The following SYBU variants were observed in gnomAD, a reference collection of about 807,000 sequenced individuals.
The protein encoded by SYBU is GOLSYN A protein.
SYBU carries 21 observed loss-of-function variants against 35.9 expected under a neutral mutation model. The observed-to-expected ratio is 0.58, with a 90% CI of 0.41 to 0.84. The LOEUF is 0.84. SYBU is among the 40% of genes least tolerant of loss of function. The probability of loss-of-function intolerance (pLI) is 0.00; values close to 1 mark genes in which losing one functional copy is unlikely to be tolerated. For missense variants in SYBU, 768 were observed against 848.2 expected (o/e 0.91, Z 1.17); for synonymous variants, 319 against 324.3 (o/e 0.98, Z 0.18).
upstream of SYBU, chr8:109,644,882 A>G (rs1815448500): frequency 3.5e-6 from 2 of 566,970 alleles, no homozygotes; most frequent in Non-Finnish European, 6.2e-6. Flanking sequence ...CACTCGCTAG[A>G]GGCAGCTCCT....
rs1039481432 is a variant in SYBU, at chr8:109,577,911, G to T, written c.841C>A (p.Leu281Ile). Residue 281 changes from leucine (L) to isoleucine (I), a missense_variant, in exon 6 of 7, where the codon CTC becomes ATC. Coordinates refer to ENST00000276646, the MANE Select transcript of SYBU (RefSeq NM_001099754.2). ...LQQKEVTVRH[L>I]KTKLKESERR... ...TCAGATTCCTTCAGCTTGGTTTTGA[G>T]GTGTCTCACTGTCACCTCTTTCTGC... 4 of 1,613,702 alleles carry T rather than the reference G, an allele frequency of 2.5e-6. No individual in the cohort carries two copies. Among genetic ancestry groups the T allele is most frequent in the Non-Finnish European group, 3.4e-6 (4 of 1,179,828 alleles).
chr8:109,606,451 G>T (rs1257437329), intron 3 of SYBU, among the ~76,000 whole-genome samples: 1 of 152,134 alleles, frequency 6.6e-6, no homozygotes, highest in Admixed American at 6.5e-5. Context: ...CAGATATTTT[G>T]AGGTTAAAAA....
At chr8:109,644,326 T>C in intron 1 of SYBU, 1 of 578,936 alleles carries the variant, frequency 1.7e-6, no homozygotes, top group Non-Finnish European at 3.2e-6. Context: ...ATGCATCAAA[T>C]TCCTTTCATT....
chr8:109,576,068 A>AAAC, intron 6 of SYBU, 55 bp from the exon 7 acceptor site: 1 of 1,351,358 alleles, frequency 7.4e-7, no homozygotes, highest in Non-Finnish European at 9.6e-7. Context: ...AAAAAAAAAA[A>AAAC]AACTTTCAAC....
intron 3 of SYBU, among the ~76,000 whole-genome samples, chr8:109,598,039 T>C (rs2129984612): frequency 6.6e-6 from 1 of 152,308 alleles, no homozygotes; most frequent in East Asian, 1.9e-4. Context: ...TGACATTCTG[T>C]AAGATTAAAT....
At chr8:109,627,012 G>A (rs1813055132) in intron 2 of SYBU, among the ~76,000 whole-genome samples, 1 of 152,112 alleles carries the variant, frequency 6.6e-6, no homozygotes, top group Admixed American at 6.6e-5. Context: ...AGAGCCCACT[G>A]GCTTTCAAAA....
At chr8:109,678,527 A>G (rs3133927) in intron 1 of SYBU, among the ~76,000 whole-genome samples, 45,232 of 141,966 alleles carry the variant, frequency 0.32, 7,966 homozygotes, top group East Asian at 0.53. Flanking sequence ...TGCAACCTTC[A>G]CCTCCAGAGT....
chr8:109,671,420 C>G (rs559584584), intron 1 of SYBU, among the ~76,000 whole-genome samples: 1 of 152,210 alleles, frequency 6.6e-6, no homozygotes, highest in East Asian at 1.9e-4. Context: ...CCTCAAAGAG[C>G]CTTTTTCAGT....
chr8:109,680,269 C>T (rs373555982), intron 1 of SYBU: 5 of 152,208 alleles, frequency 3.3e-5, no homozygotes, highest in African/African-American at 7.2e-5. Context: ...TAAACTCCTT[C>T]GCTCAACTAC....
intron 1 of SYBU, among the ~76,000 whole-genome samples, chr8:109,677,010 T>G (rs1309620062): frequency 6.6e-6 from 1 of 151,906 alleles, no homozygotes; most frequent in Non-Finnish European, 1.5e-5. Context: ...TTTCTCTCTC[T>G]TTTCTCTGTC....
chr8:109,657,822 C>T (rs1816411652), intron 1 of SYBU, among the ~76,000 whole-genome samples: 1 of 152,106 alleles, frequency 6.6e-6, no homozygotes, highest in Non-Finnish European at 1.5e-5. Flanking sequence ...TGTTCTTTGA[C>T]TCCATATTTT....
chr8:109,664,530 CT>C (rs959357652), intron 1 of SYBU, among the ~76,000 whole-genome samples: 1 of 151,982 alleles, frequency 6.6e-6, no homozygotes, highest in Non-Finnish European at 1.5e-5. Context: ...CACAAAGCTA[CT>C]TTTTTTTCTC....
upstream of SYBU, among the ~76,000 whole-genome samples, chr8:109,648,356 T>C (rs1186955059): frequency 1.3e-5 from 2 of 150,118 alleles, no homozygotes; most frequent in Non-Finnish European, 3.0e-5. Context: ...CTTTATATAA[T>C]TATTCCCTCA....
At chr8:109,645,625 C>CGTT (rs1418854943), upstream of SYBU, 553 of 247,758 alleles carry the variant, frequency 2.2e-3, 9 homozygotes, top group East Asian at 0.024. Context: ...GTTGTTGTTT[C>CGTT]GTTTTTTGTT....
intron 2 of SYBU, among the ~76,000 whole-genome samples, chr8:109,619,706 CAG>C (rs1454830729): frequency 1.7e-4 from 26 of 152,142 alleles, no homozygotes; most frequent in Non-Finnish European, 1.5e-5. Context: ...GTGAACTCTT[CAG>C]AGTTTACATC....
At chr8:109,607,750 T>C (rs1156918875) in intron 3 of SYBU, among the ~76,000 whole-genome samples, 2 of 151,104 alleles carry the variant, frequency 1.3e-5, no homozygotes, top group African/African-American at 4.9e-5. Context: ...ATTCAGAGTA[T>C]CTGAGAGGTG....
chr8:109,631,767 C>T (rs746069043), intron 2 of SYBU, among the ~76,000 whole-genome samples: 2 of 152,116 alleles, frequency 1.3e-5, no homozygotes, highest in African/African-American at 2.4e-5. Flanking sequence ...AGCCCTGGCA[C>T]GGGGGTGGTG....
At chr8:109,601,404 C>T (rs994969385) in intron 3 of SYBU, among the ~76,000 whole-genome samples, 17 of 152,250 alleles carry the variant, frequency 1.1e-4, no homozygotes, top group Admixed American at 1.0e-3. Flanking sequence ...CTCAACTATG[C>T]GTTAAACACT....
intron 2 of SYBU, among the ~76,000 whole-genome samples, chr8:109,638,401 C>A (rs1243927994): frequency 6.6e-6 from 1 of 152,092 alleles, no homozygotes; most frequent in African/African-American, 2.4e-5. Context: ...AGGCTACATT[C>A]AATGGGCCAA....
Sources: gnomAD v4.1 joint callset for allele counts (sites outside exome capture counted in the v4.1 genomes callset) on GRCh38, gnomAD v4.1.1 for gene constraint, MANE v1.5 for transcripts, NCBI Gene and HGNC (gene_info 2026-07-23, HGNC 2026-07-21) for gene names.